MCTP1: variants seen among roughly 807,000 people sequenced by gnomAD.
The protein encoded by MCTP1 is multiple C2 and transmembrane domain containing 1, also known as multiple C2 and transmembrane domain-containing protein 1.
Under a neutral mutation model 120.6 loss-of-function variants are expected in MCTP1, and 69 were observed. The ratio of observed to expected loss-of-function variants is 0.57; its 90% confidence interval spans 0.47 to 0.70. MCTP1 has a LOEUF of 0.70. Among genes scored for constraint, MCTP1 ranks in the 30% least tolerant of loss-of-function variants. The probability of loss-of-function intolerance (pLI) is 0.00; values close to 1 mark genes in which losing one functional copy is unlikely to be tolerated. For synonymous variants in MCTP1, 529 were observed against 493.1 expected (o/e 1.07, Z -0.96); for missense variants, 1,203 against 1,248.8 (o/e 0.96, Z 0.55).
At chr5:94,896,338 T>C (rs1581233635) in intron 10 of MCTP1, among the ~76,000 whole-genome samples, 1 of 152,198 alleles carries the variant, frequency 6.6e-6, no homozygotes, top group Non-Finnish European at 1.5e-5. Context: ...TACTAGAGAA[T>C]TGACGAGAGA....
Position 95,284,980 on chromosome 5 carries a change from C to T in MCTP1, c.-405G>A, listed in dbSNP as rs1760632495. ...GGGAAGCTGCACGCACCGGGGCGTG[C>T]GCGTCCAGCTGCGCCAGGGACCGCA... On this transcript the variant is annotated 5_prime_UTR_variant, in exon 1 of 23. Coordinates refer to ENST00000515393, the MANE Select transcript of MCTP1 (RefSeq NM_024717.7). The surrounding 1 kb of genome is among the most constrained non-coding windows in gnomAD (Gnocchi z 5.2). 6.6e-6 allele frequency among the ~76,000 whole-genome samples: 1 copy of T among 152,202 alleles called. No individual in the cohort carries two copies. The highest frequency in any genetic ancestry group is 2.4e-5 in the African/African-American group (1 of 41,462).
At chr5:94,817,362 C>T (rs183759754) in intron 17 of MCTP1, among the ~76,000 whole-genome samples, 6 of 152,212 alleles carry the variant, frequency 3.9e-5, no homozygotes, top group South Asian at 4.1e-4. Flanking sequence ...GAGCCGAGAT[C>T]GCGCCACTGC....
chr5:95,237,249 C>T (rs999898639), intron 1 of MCTP1, among the ~76,000 whole-genome samples: 1 of 152,104 alleles, frequency 6.6e-6, no homozygotes, highest in Non-Finnish European at 1.5e-5. Context: ...TAACCTTTTC[C>T]CAGAACCAGC....
chr5:95,072,130 C>A (rs1752344198), intron 1 of MCTP1, among the ~76,000 whole-genome samples: 1 of 117,456 alleles, frequency 8.5e-6, no homozygotes, highest in Non-Finnish European at 1.8e-5. Context: ...GGTTTGTTGG[C>A]AAATTGATGC....
intron 2 of MCTP1, among the ~76,000 whole-genome samples, chr5:95,003,270 T>C (rs902385832): frequency 2.0e-5 from 3 of 152,216 alleles, no homozygotes; most frequent in African/African-American, 7.2e-5. Context: ...ATTTCTACTG[T>C]ACCTTTTCTA....
intron 1 of MCTP1, among the ~76,000 whole-genome samples, chr5:95,115,996 A>G (rs1221245078): frequency 6.8e-6 from 1 of 147,690 alleles, no homozygotes; most frequent in Admixed American, 6.8e-5. Context: ...GTGCTAAAGG[A>G]AAAAAAAAAA....
intron 1 of MCTP1, among the ~76,000 whole-genome samples, chr5:95,174,487 A>T (rs757689538): frequency 2.6e-5 from 4 of 152,224 alleles, no homozygotes; most frequent in Non-Finnish European, 4.4e-5. Context: ...AAAAGAAATT[A>T]TTTCTTAGCC....
intron 10 of MCTP1, 116 bp downstream of exon 10, chr5:94,909,135 G>T: frequency 8.1e-7 from 1 of 1,237,262 alleles, no homozygotes; most frequent in East Asian, 2.7e-5. Context: ...GCCTTACCAT[G>T]GTAAAGTCCC....
At chr5:95,092,464 A>G (rs745717851) in intron 1 of MCTP1, among the ~76,000 whole-genome samples, 5 of 152,202 alleles carry the variant, frequency 3.3e-5, no homozygotes, top group Non-Finnish European at 5.9e-5. Context: ...GTAGTACTAC[A>G]GGGTGACTAA....
intron 1 of MCTP1, among the ~76,000 whole-genome samples, chr5:95,208,018 G>GGAGA (rs1160615842): frequency 8.8e-6 from 1 of 114,006 alleles, no homozygotes; most frequent in Non-Finnish European, 1.9e-5. Flanking sequence ...GGAGAGAGAG[G>GGAGA]GAGAGAGAGA....
intron 19 of MCTP1, among the ~76,000 whole-genome samples, chr5:94,759,311 A>C (rs181654146): frequency 2.0e-3 from 308 of 152,312 alleles, no homozygotes; most frequent in Non-Finnish European, 3.3e-3. Flanking sequence ...GATATCTTTC[A>C]TGTAGAAACC....
intron 1 of MCTP1, among the ~76,000 whole-genome samples, chr5:95,145,543 C>T (rs2152448274): frequency 6.6e-6 from 1 of 152,136 alleles, no homozygotes; most frequent in South Asian, 2.1e-4. Context: ...TCATGAATGG[C>T]TCTTATTATT....
At chr5:95,234,776 A>C (rs1755353788) in intron 1 of MCTP1, among the ~76,000 whole-genome samples, 1 of 152,184 alleles carries the variant, frequency 6.6e-6, no homozygotes, top group Admixed American at 6.5e-5. Flanking sequence ...CAAACTCCCA[A>C]AGCTGACTTC....
At chr5:95,052,013 C>T (rs1582040581) in intron 1 of MCTP1, among the ~76,000 whole-genome samples, 1 of 152,040 alleles carries the variant, frequency 6.6e-6, no homozygotes, top group Non-Finnish European at 1.5e-5. Flanking sequence ...ATAAACCTGC[C>T]CATGTACACC....
At chr5:94,899,491 G>A (rs910852803) in intron 10 of MCTP1, among the ~76,000 whole-genome samples, 8 of 152,270 alleles carry the variant, frequency 5.3e-5, no homozygotes, top group South Asian at 4.1e-4. Flanking sequence ...AGGCCTAGCC[G>A]CCATATACTT....
chr5:94,908,279 T>C (rs796841891), intron 10 of MCTP1, among the ~76,000 whole-genome samples: 3 of 152,148 alleles, frequency 2.0e-5, no homozygotes, highest in African/African-American at 7.2e-5. Context: ...AAGCTCACTT[T>C]ACAAGTAAAA....
At chr5:94,781,289 C>G (rs1187782964) in intron 18 of MCTP1, among the ~76,000 whole-genome samples, 1 of 152,122 alleles carries the variant, frequency 6.6e-6, no homozygotes, top group African/African-American at 2.4e-5. Context: ...GCAGTACTTA[C>G]TATCATATTT....
intron 1 of MCTP1, among the ~76,000 whole-genome samples, chr5:95,169,383 T>G (rs1404237013): frequency 6.6e-6 from 1 of 152,208 alleles, no homozygotes; most frequent in African/African-American, 2.4e-5. Flanking sequence ...TATGCCAGGC[T>G]TTGGTATCAG....
In MCTP1 at chr5:95,242,724, G is replaced by A. The variant is rs575724395; in HGVS notation, c.720+41132C>T. Among the ~76,000 whole-genome samples the A allele has an allele frequency of 1.6e-4, 25 of 152,286 alleles. No individual in the cohort carries two copies. The South Asian group carries it at 4.8e-3, about 29-fold the overall frequency. ...AATCTAGGTGACATAAGTCAGATCA[G>A]TGGTAGCCTAGGGAAAGGGATGAAG... On this transcript the variant is annotated intron_variant, in intron 1 of 22. Transcript: ENST00000515393.
Sources: allele counts gnomAD v4.1 joint callset (sites outside exome capture counted in the v4.1 genomes callset), GRCh38; gene constraint gnomAD v4.1.1; non-coding constraint Gnocchi (gnomAD v3.1); transcripts MANE v1.5; gene names NCBI Gene and HGNC (gene_info 2026-07-23, HGNC 2026-07-21).